Variants in ROBO2 observed in about 807,000 individuals in gnomAD.
The protein encoded by ROBO2 is roundabout homolog 2.
A neutral mutation model predicts 160.8 loss-of-function variants in ROBO2; 53 were observed. The observed-to-expected ratio is 0.33, with a 90% CI of 0.26 to 0.41. ROBO2 has a LOEUF of 0.41. Among genes scored for constraint, ROBO2 ranks in the 10% least tolerant of loss-of-function variants. The probability of loss-of-function intolerance (pLI) is 1.00; values close to 1 mark genes in which losing one functional copy is unlikely to be tolerated. For missense variants in ROBO2, 1,577 were observed against 1,722.4 expected (o/e 0.92, Z 1.49); for synonymous variants, 664 against 611.7 (o/e 1.09, Z -1.26).
chr3:76,175,638 C>T (rs2073202528), intron 2 of ROBO2, among the ~76,000 whole-genome samples: 1 of 152,040 alleles, frequency 6.6e-6, no homozygotes, highest in South Asian at 2.1e-4. Flanking sequence ...CCTATCCTTG[C>T]CTCTTGGATC....
At chr3:76,659,885 A>G (rs887420432) in intron 2 of ROBO2, among the ~76,000 whole-genome samples, 1 of 152,172 alleles carries the variant, frequency 6.6e-6, no homozygotes, top group African/African-American at 2.4e-5. Context: ...TGAAGAAGCC[A>G]TTGTCAATAT....
intron 5 of ROBO2, among the ~76,000 whole-genome samples, chr3:77,515,579 A>G (rs2089927953): frequency 6.6e-6 from 1 of 151,766 alleles, no homozygotes; most frequent in Admixed American, 6.6e-5. Flanking sequence ...CTTAACTGTG[A>G]TGTTAACCAT....
At chr3:76,727,191 T>C (rs537604378) in intron 2 of ROBO2, among the ~76,000 whole-genome samples, 31 of 152,310 alleles carry the variant, frequency 2.0e-4, no homozygotes, top group Admixed American at 2.0e-3. Flanking sequence ...CTTTTCATGA[T>C]GTTTTGGCTG....
At chr3:77,397,842 T>C (rs955046344) in intron 2 of ROBO2, among the ~76,000 whole-genome samples, 1 of 152,142 alleles carries the variant, frequency 6.6e-6, no homozygotes, top group Non-Finnish European at 1.5e-5. Context: ...TTGTACTGAG[T>C]TCTCAATTTG....
At chr3:76,131,629 G>A (rs1559577423) in intron 2 of ROBO2, among the ~76,000 whole-genome samples, 1 of 152,084 alleles carries the variant, frequency 6.6e-6, no homozygotes, top group South Asian at 2.1e-4. Context: ...TGAGAGTTCA[G>A]TCTGAAAGAG....
chr3:76,406,708 A>G (rs1398701248), intron 2 of ROBO2, among the ~76,000 whole-genome samples: 11 of 151,934 alleles, frequency 7.2e-5, no homozygotes, highest in Non-Finnish European at 1.6e-4. Context: ...TGTAATGATA[A>G]TCATTGTTTG....
chr3:77,532,562 T>C (rs2091822338), intron 6 of ROBO2, among the ~76,000 whole-genome samples: 1 of 151,970 alleles, frequency 6.6e-6, no homozygotes, highest in African/African-American at 2.4e-5. Flanking sequence ...CTTAGTTATA[T>C]TGGCTTTCCT....
intron 2 of ROBO2, among the ~76,000 whole-genome samples, chr3:76,915,412 G>A (rs1024382865): frequency 6.6e-6 from 1 of 152,142 alleles, no homozygotes; most frequent in African/African-American, 2.4e-5. Flanking sequence ...TGTAATCCCA[G>A]CACTTTGGGA....
chr3:77,274,881 T>G (rs2059727437), intron 2 of ROBO2, among the ~76,000 whole-genome samples: 2 of 151,972 alleles, frequency 1.3e-5, no homozygotes, highest in South Asian at 4.1e-4. Context: ...ACTTTAGAGG[T>G]TTTTTAAAGA....
chr3:77,515,416 T>C (rs2089906827), intron 5 of ROBO2, among the ~76,000 whole-genome samples: 1 of 151,704 alleles, frequency 6.6e-6, no homozygotes, highest in South Asian at 2.1e-4. Context: ...ATGTTAAAAA[T>C]GTCCACGTTT....
chr3:76,797,827 G>A (rs1004179023), intron 2 of ROBO2, among the ~76,000 whole-genome samples: 1 of 151,778 alleles, frequency 6.6e-6, no homozygotes, highest in Non-Finnish European at 1.5e-5. Context: ...TAAAAGAAAT[G>A]GGTAAATTCC....
chr3:77,593,818 A>G (rs1427724286), intron 17 of ROBO2, among the ~76,000 whole-genome samples: 1 of 152,194 alleles, frequency 6.6e-6, no homozygotes, highest in Non-Finnish European at 1.5e-5. Context: ...TATATATATT[A>G]AGTGGCAATA....
At chr3:77,522,788 G>A (rs1166551742) in exon 6 of ROBO2, 1 of 1,608,844 alleles carries the variant, frequency 6.2e-7, no homozygotes, top group South Asian at 1.1e-5. Flanking sequence ...TGACATCAAA[G>A]ACGATTACAC....
chr3:76,784,508 C>A (rs1265354043), intron 2 of ROBO2, among the ~76,000 whole-genome samples: 1 of 151,086 alleles, frequency 6.6e-6, no homozygotes, highest in Non-Finnish European at 1.5e-5. Flanking sequence ...AAGCTGGTTG[C>A]TGAGATCCAT....
chr3:76,871,532 C>T (rs1174594500), intron 2 of ROBO2, among the ~76,000 whole-genome samples: 1 of 137,910 alleles, frequency 7.3e-6, no homozygotes, highest in South Asian at 2.3e-4. Flanking sequence ...CCAGCCTGGG[C>T]GACAGAGCGA....
At chr3:76,016,504 T>C (rs2066409028) in intron 2 of ROBO2, among the ~76,000 whole-genome samples, 1 of 152,020 alleles carries the variant, frequency 6.6e-6, no homozygotes, top group Non-Finnish European at 1.5e-5. Context: ...TTGAAGCCTG[T>C]CTGCTTTTTT....
At chr3:76,994,626 G>A (rs1161296765) in intron 2 of ROBO2, among the ~76,000 whole-genome samples, 1 of 152,096 alleles carries the variant, frequency 6.6e-6, no homozygotes, top group Non-Finnish European at 1.5e-5. Context: ...TTTACTGAAG[G>A]CATATTATGC....
chr3:76,033,426 G>T (rs2066994192), intron 2 of ROBO2, among the ~76,000 whole-genome samples: 1 of 152,118 alleles, frequency 6.6e-6, no homozygotes, highest in South Asian at 2.1e-4. Context: ...TGTGTGTCCT[G>T]CTGTGCATAT....
chr3:75,956,245 A>G (rs1948719448), intron 2 of ROBO2, among the ~76,000 whole-genome samples: 2 of 151,716 alleles, frequency 1.3e-5, no homozygotes, highest in Non-Finnish European at 2.9e-5. Context: ...CCAATCTCTA[A>G]ATCACTGTGC....
Sources: gnomAD v4.1 joint callset for allele counts (sites outside exome capture counted in the v4.1 genomes callset) on GRCh38, gnomAD v4.1.1 for gene constraint, MANE v1.5 for transcripts, NCBI Gene and HGNC (gene_info 2026-07-23, HGNC 2026-07-21) for gene names.